DOK6: variants seen among roughly 807,000 people sequenced by gnomAD.
DOK6 encodes the protein downstream of tyrosine kinase 6.
In DOK6, 22 loss-of-function variants were observed where a neutral mutation model predicts 44.0. That is an observed-to-expected ratio of 0.50 (90% CI 0.36 to 0.71). DOK6 has a LOEUF of 0.71. Among genes scored for constraint, DOK6 ranks in the 30% least tolerant of loss-of-function variants. DOK6 has a pLI of 0.00. For missense variants in DOK6, 340 were observed against 416.4 expected (o/e 0.82, Z 1.60); for synonymous variants, 166 against 145.5 (o/e 1.14, Z -1.01).
intron 7 of DOK6, among the ~76,000 whole-genome samples, chr18:69,824,023 C>G (rs1454499067): frequency 6.6e-6 from 1 of 151,410 alleles, no homozygotes; most frequent in Non-Finnish European, 1.5e-5. Flanking sequence ...ATCAGACAGC[C>G]TTGTTATAGT....
At chr18:69,829,655 A>G (rs564084586) in intron 7 of DOK6, among the ~76,000 whole-genome samples, 1 of 152,196 alleles carries the variant, frequency 6.6e-6, no homozygotes, top group South Asian at 2.1e-4. Flanking sequence ...TATTAAGAAG[A>G]AAGTAGGAGA....
intron 4 of DOK6, among the ~76,000 whole-genome samples, chr18:69,685,588 C>T (rs532626031): frequency 6.6e-6 from 1 of 152,286 alleles, no homozygotes; most frequent in Admixed American, 6.5e-5. Flanking sequence ...CTCACCCACA[C>T]CTACAAAGTA....
intron 3 of DOK6, among the ~76,000 whole-genome samples, chr18:69,646,550 T>C (rs1221357462): frequency 2.0e-5 from 3 of 152,218 alleles, no homozygotes; most frequent in African/African-American, 7.2e-5. Flanking sequence ...ATATAGAGTT[T>C]GAGGGGCTCG....
intron 5 of DOK6, among the ~76,000 whole-genome samples, chr18:69,717,956 A>T (rs909771446): frequency 6.6e-6 from 1 of 152,198 alleles, no homozygotes; most frequent in Non-Finnish European, 1.5e-5. Flanking sequence ...ATAGAAAATA[A>T]AAAAATATTA....
intron 2 of DOK6, 124 bp from the exon 3 acceptor site, chr18:69,599,260 C>A: frequency 2.8e-6 from 2 of 704,974 alleles, no homozygotes; most frequent in South Asian, 2.3e-5. Flanking sequence ...AAAGTCAATT[C>A]AGAATGAGTA....
At chr18:69,491,942 C>G (rs181727044) in intron 1 of DOK6, among the ~76,000 whole-genome samples, 1 of 152,168 alleles carries the variant, frequency 6.6e-6, no homozygotes, top group Admixed American at 6.6e-5. Context: ...TGCAGAGAAC[C>G]AAAAGAATAT....
intron 7 of DOK6, among the ~76,000 whole-genome samples, chr18:69,786,803 T>C (rs1407059637): frequency 6.6e-6 from 1 of 152,260 alleles, no homozygotes; most frequent in Non-Finnish European, 1.5e-5. Flanking sequence ...TATATAAAAT[T>C]CATACATATG....
intron 3 of DOK6, among the ~76,000 whole-genome samples, chr18:69,622,548 A>G (rs1423923366): frequency 1.3e-5 from 2 of 152,194 alleles, no homozygotes; most frequent in Admixed American, 6.5e-5. Context: ...CTGTCTTTAA[A>G]TGTACTACTT....
At chr18:69,555,901 C>T (rs540560515) in intron 1 of DOK6, among the ~76,000 whole-genome samples, 9 of 152,236 alleles carry the variant, frequency 5.9e-5, no homozygotes, top group East Asian at 3.9e-4. Context: ...AAACAAAACA[C>T]GTTATTGTGG....
chr18:69,596,531 A>T (rs1983744981), intron 2 of DOK6, among the ~76,000 whole-genome samples: 1 of 152,162 alleles, frequency 6.6e-6, no homozygotes. Context: ...TAAGATTAAC[A>T]TCTGACTTCT....
intron 7 of DOK6, among the ~76,000 whole-genome samples, chr18:69,817,700 A>G (rs1314363078): frequency 6.6e-6 from 1 of 152,164 alleles, no homozygotes; most frequent in African/African-American, 2.4e-5. Context: ...CCTGTCTTCA[A>G]GTACAGTCAC....
Position 69,828,884 on chromosome 18 carries a change from G to GTATATA in DOK6, c.857-12349_857-12344dup, listed in dbSNP as rs74175393. On this transcript the variant is annotated intron_variant, in intron 7 of 7. Transcript: ENST00000382713. The stretch of plus-strand genomic sequence containing the variant: ...ATTATTAATAGCAATACATTTATGT[G>GTATATA]TATATATATATATATAGTATGTATG... Among the ~76,000 whole-genome samples the GTATATA allele has an allele frequency of 8.3e-3, 744 of 90,174 alleles. 59 individuals are homozygous for GTATATA. The highest frequency in any genetic ancestry group is 0.02 in the African/African-American group (645 of 32,118). The allele number at this position is 90,174 out of a possible 152,430, so 59.2% of individuals were successfully genotyped here.
At chr18:69,418,628 ATTTCTTTTCT>A (rs911872137) in intron 1 of DOK6, among the ~76,000 whole-genome samples, 1 of 151,344 alleles carries the variant, frequency 6.6e-6, no homozygotes, top group African/African-American at 2.4e-5. Context: ...TGCCCAGCTA[ATTTCTTTTCT>A]TTTCTTTTTT....
chr18:69,710,311 T>C (rs1301634444), intron 5 of DOK6, among the ~76,000 whole-genome samples: 1 of 152,208 alleles, frequency 6.6e-6, no homozygotes, highest in African/African-American at 2.4e-5. Flanking sequence ...TTCTAAACAT[T>C]TTTCTAATTT....
In DOK6 at chr18:69,600,943, C is replaced by T. The variant is rs548315598; in HGVS notation, c.289+1445C>T. On this transcript the variant is annotated intron_variant, in intron 3 of 7. Coordinates refer to ENST00000382713, the MANE Select transcript of DOK6 (RefSeq NM_152721.6). Reference sequence around the variant, plus strand: ...TTCAATCTGACTACAATCTTGAATCCGATATTACAGTAGAAAGTCATTTAA... The same window carrying T: ...TTCAATCTGACTACAATCTTGAATCTGATATTACAGTAGAAAGTCATTTAA... Among the ~76,000 whole-genome samples the T allele has an allele frequency of 1.3e-3, 193 of 152,036 alleles. 1 individual carries two copies. The Middle Eastern group carries it at 0.014, about 11-fold the overall frequency.
intron 5 of DOK6, among the ~76,000 whole-genome samples, chr18:69,703,407 C>T (rs1986564999): frequency 6.6e-6 from 1 of 152,120 alleles, no homozygotes; most frequent in Non-Finnish European, 1.5e-5. Context: ...TAGTCCCTTC[C>T]CTTAATGAGC....
rs1291697088 is a variant in DOK6, at chr18:69,565,501, GTGTGTGTGTGTGTGTGTGTGTATA to G, written c.174+909_174+932del. On this transcript the variant is annotated intron_variant, in intron 2 of 7. Transcript: ENST00000382713. ...TGTGTGTGTGTGTGTGTGTGTGTGT[GTGTGTGTGTGTGTGTGTGTGTATA>G]TATATATACATAATTTTAAAAATAT... 8.6e-3 allele frequency among the ~76,000 whole-genome samples: 409 copies of G among 47,686 alleles called. 2 individuals are homozygous for G. The highest frequency in any genetic ancestry group is 0.024 in the African/African-American group (382 of 15,650). The allele number at this position is 47,686 out of a possible 152,430, so 31.3% of individuals were successfully genotyped here. A position where few individuals can be genotyped will look rare whatever the true frequency, so the allele number is the denominator to read the frequency against.
At chr18:69,671,541 G>T (rs1985799030) in intron 3 of DOK6, among the ~76,000 whole-genome samples, 1 of 152,150 alleles carries the variant, frequency 6.6e-6, no homozygotes, top group Admixed American at 6.5e-5. Context: ...TATTCCTAAT[G>T]AGGTTGAAAG....
At chr18:69,512,708 C>A (rs1328154069) in intron 1 of DOK6, among the ~76,000 whole-genome samples, 1 of 152,096 alleles carries the variant, frequency 6.6e-6, no homozygotes, top group African/African-American at 2.4e-5. Context: ...GGGAAGGAAT[C>A]CTGAGTATTA....
Sources: allele counts gnomAD v4.1 joint callset (sites outside exome capture counted in the v4.1 genomes callset), GRCh38; gene constraint gnomAD v4.1.1; transcripts MANE v1.5; gene names NCBI Gene and HGNC (gene_info 2026-07-23, HGNC 2026-07-21).